RAB2A: variants seen among roughly 807,000 people sequenced by gnomAD.
RAB2A encodes the protein RAB2A, member RAS oncogene family.
RAB2A carries 7 observed loss-of-function variants against 32.5 expected under a neutral mutation model. The observed-to-expected ratio is 0.22, with a 90% confidence interval of 0.12 to 0.40. The LOEUF (loss-of-function observed/expected upper bound fraction) is 0.40, where lower values mean the gene tolerates loss of function less well. RAB2A is among the 10% of genes least tolerant of loss of function. RAB2A has a pLI of 1.00. For missense variants in RAB2A, 108 were observed against 260.7 expected, an observed-to-expected ratio of 0.41 and a Z score of 4.03; for synonymous variants, 79 against 85.2, an observed-to-expected ratio of 0.93 and a Z score of 0.40.
At chr8:60,568,838 G>A (rs775009423) in intron 2 of RAB2A, among the ~76,000 whole-genome samples, 3 of 152,144 alleles carry the variant, frequency 2.0e-5, no homozygotes, top group Non-Finnish European at 4.4e-5. Flanking sequence ...ATGGATCTGG[G>A]AAGAGGGCGT....
At chr8:60,550,315 T>C (rs1037890208) in intron 1 of RAB2A, among the ~76,000 whole-genome samples, 2 of 152,050 alleles carry the variant, frequency 1.3e-5, no homozygotes, top group Non-Finnish European at 1.5e-5. Context: ...CTACCCCCAA[T>C]GCAACCACCC....
chr8:60,517,463 G>T (rs928324095), intron 1 of RAB2A, among the ~76,000 whole-genome samples: 1 of 152,188 alleles, frequency 6.6e-6, no homozygotes, highest in Admixed American at 6.5e-5. Context: ...CCCCGACCCG[G>T]CCAGTCTTGC....
intron 1 of RAB2A, among the ~76,000 whole-genome samples, chr8:60,519,836 C>CGTT (rs751526438): frequency 6.6e-5 from 10 of 151,870 alleles, no homozygotes; most frequent in East Asian, 3.9e-4. Context: ...GAAGTGGTGT[C>CGTT]GTTGTTGTTG....
At chr8:60,568,391 A>G (rs1364730559) in intron 2 of RAB2A, among the ~76,000 whole-genome samples, 1 of 152,182 alleles carries the variant, frequency 6.6e-6, no homozygotes, top group Non-Finnish European at 1.5e-5. Context: ...AGTCATGCGG[A>G]TGGTAGTTTA....
At chr8:60,539,966 C>T (rs1807614322) in intron 1 of RAB2A, among the ~76,000 whole-genome samples, 4 of 151,662 alleles carry the variant, frequency 2.6e-5, no homozygotes. Flanking sequence ...AAGATAAATC[C>T]ATTAAACATG....
intron 5 of RAB2A, among the ~76,000 whole-genome samples, chr8:60,588,834 A>C (rs1351374800): frequency 1.3e-5 from 2 of 152,218 alleles, no homozygotes; most frequent in Non-Finnish European, 2.9e-5. Context: ...ACATCGTTAT[A>C]CTGTATAGAT....
intron 1 of RAB2A, among the ~76,000 whole-genome samples, chr8:60,522,880 G>A (rs1027064611): frequency 6.6e-6 from 1 of 151,998 alleles, no homozygotes; most frequent in South Asian, 2.1e-4. Context: ...ATATTCAGCA[G>A]CCCAACCCCT....
Position 60,620,873 on chromosome 8 carries a change from T to C in RAB2A, c.*104T>C, listed in dbSNP as rs1045520955. 42 of 925,528 alleles carry C rather than the reference T, an allele frequency of 4.5e-5. No individual in the cohort carries two copies. Among genetic ancestry groups the C allele is most frequent in the Non-Finnish European group, 6.0e-5 (38 of 628,878 alleles). The allele number at this position is 925,528 out of a possible 1,614,324, so 57.3% of individuals were successfully genotyped here. On this transcript the variant is annotated 3_prime_UTR_variant, in exon 8 of 8. Coordinates refer to ENST00000262646, the MANE Select transcript of RAB2A (RefSeq NM_002865.3). Reference sequence around the variant, plus strand: ...CATGAAACTATTTGAAATGGCTTTATGTCACAGAAGACTTTAATCCGTCAA... The same window carrying C: ...CATGAAACTATTTGAAATGGCTTTACGTCACAGAAGACTTTAATCCGTCAA...
chr8:60,540,911 T>TGA (rs1807634274), intron 1 of RAB2A, among the ~76,000 whole-genome samples: 1 of 152,228 alleles, frequency 6.6e-6, no homozygotes, highest in Admixed American at 6.5e-5. Context: ...TTTCCTTATG[T>TGA]GAAAACTCTG....
intron 2 of RAB2A, among the ~76,000 whole-genome samples, chr8:60,570,222 A>T (rs568392872): frequency 6.6e-6 from 1 of 152,172 alleles, no homozygotes; most frequent in African/African-American, 2.4e-5. Flanking sequence ...ATTTGACGTT[A>T]TGAGCAATAT....
At chr8:60,583,127 A>T (rs960226804) in intron 3 of RAB2A, among the ~76,000 whole-genome samples, 1 of 115,668 alleles carries the variant, frequency 8.6e-6, no homozygotes. Context: ...AGGGTAGAAT[A>T]TGAGCCGTCC....
intron 1 of RAB2A, among the ~76,000 whole-genome samples, chr8:60,531,585 A>G (rs533218504): frequency 2.0e-5 from 3 of 152,290 alleles, no homozygotes; most frequent in South Asian, 2.1e-4. Context: ...GGTCTTGCCT[A>G]TAGAAAAAAG....
At chr8:60,594,345 C>T (rs1326553926) in intron 6 of RAB2A, among the ~76,000 whole-genome samples, 2 of 151,764 alleles carry the variant, frequency 1.3e-5, no homozygotes, top group Non-Finnish European at 2.9e-5. Flanking sequence ...AATTTCTGAA[C>T]GTGAAAGACA....
chr8:60,579,420 C>T (rs992955638), intron 3 of RAB2A, among the ~76,000 whole-genome samples: 11 of 152,216 alleles, frequency 7.2e-5, no homozygotes, highest in Admixed American at 7.2e-4. Flanking sequence ...GGCCACTCCA[C>T]CCCAAGTTTG....
chr8:60,616,255 ATTTATTACC>A (rs1804446801), intron 6 of RAB2A, among the ~76,000 whole-genome samples: 1 of 152,198 alleles, frequency 6.6e-6, no homozygotes, highest in Non-Finnish European at 1.5e-5. Context: ...TTTTAAAGTG[ATTTATTACC>A]AGACGGGCAA....
intron 1 of RAB2A, among the ~76,000 whole-genome samples, chr8:60,523,247 T>G (rs1267810768): frequency 6.6e-6 from 1 of 151,698 alleles, no homozygotes; most frequent in Non-Finnish European, 1.5e-5. Context: ...AACTTCTGCC[T>G]CCTGGATTCA....
At chr8:60,574,741 AG>A (rs1421656536) in intron 3 of RAB2A, among the ~76,000 whole-genome samples, 1 of 152,142 alleles carries the variant, frequency 6.6e-6, no homozygotes, top group African/African-American at 2.4e-5. Flanking sequence ...TTTTTGCTTG[AG>A]TTGATTTCTT....
Position 60,603,260 on chromosome 8 carries a change from G to A in RAB2A, c.474+11291G>A, listed in dbSNP as rs62512702. ...GGCACATTGATGATGTTTAGAATTG[G>A]ACCTGTTTCCTTTTGATGTTGTGCT... On this transcript the variant is annotated intron_variant, in intron 6 of 7. Transcript: ENST00000262646. Among the ~76,000 whole-genome samples the A allele has an allele frequency of 4.3e-3, 660 of 152,232 alleles. 4 individuals are homozygous for A. The highest frequency in any genetic ancestry group is 7.8e-3 in the Admixed American group (120 of 15,300).
At chr8:60,541,885 C>T (rs1035374469) in intron 1 of RAB2A, among the ~76,000 whole-genome samples, 5 of 152,112 alleles carry the variant, frequency 3.3e-5, no homozygotes, top group Admixed American at 6.6e-5. Context: ...AGAAACTTGT[C>T]AGTGTTCTTT....
Sources: allele counts gnomAD v4.1 joint callset (sites outside exome capture counted in the v4.1 genomes callset), GRCh38; gene constraint gnomAD v4.1.1; transcripts MANE v1.5; gene names NCBI Gene and HGNC (gene_info 2026-07-23, HGNC 2026-07-21).